Variants in SPATA16 observed in about 807,000 individuals in gnomAD.
SPATA16 encodes the protein spermatogenesis-associated protein 16.
SPATA16 carries 36 observed loss-of-function variants against 63.3 expected under a neutral mutation model. The ratio of observed to expected loss-of-function variants is 0.57; its 90% CI spans 0.44 to 0.75. SPATA16 has a LOEUF of 0.75. SPATA16 is among the 30% of genes least tolerant of loss of function. SPATA16 has a pLI of 0.00. For synonymous variants in SPATA16, 203 were observed against 216.7 expected (o/e 0.94, Z 0.56); for missense variants, 646 against 679.3 (o/e 0.95, Z 0.54).
chr3:172,970,380 A>G (rs1734022745), intron 5 of SPATA16, among the ~76,000 whole-genome samples: 2 of 152,208 alleles, frequency 1.3e-5, no homozygotes, highest in Non-Finnish European at 1.5e-5. Context: ...CTTTCAAAGA[A>G]GACTAAGAAA....
chr3:172,913,719 A>C lies in SPATA16; in HGVS notation c.1529T>G (p.Met510Arg). 6.2e-7 allele frequency: 1 copy of C among 1,613,806 alleles called. No homozygotes were observed. The highest frequency in any genetic ancestry group is 8.5e-7 in the Non-Finnish European group (1 of 1,179,814). ...GTTTCTTCTTCCTTCAAGGGTGTCC[A>C]TAGCATCTGCCATTAGTGACTGCAG... ...ELLQSLMADA[M>R]DTLEGRRNNN... The change falls in exon 10 of 11, where the codon ATG (methionine) becomes AGG (arginine). Residue 510 changes from methionine to arginine, a missense_variant. Transcript: ENST00000351008.
chr3:173,126,323 C>T (rs963251799), intron 1 of SPATA16, among the ~76,000 whole-genome samples: 11 of 152,156 alleles, frequency 7.2e-5, no homozygotes, highest in African/African-American at 2.7e-4. Context: ...AAAACAATTA[C>T]TCATTTGCTG....
intron 10 of SPATA16, among the ~76,000 whole-genome samples, chr3:172,912,904 C>T (rs1210723146): frequency 2.0e-5 from 3 of 152,150 alleles, no homozygotes; most frequent in Non-Finnish European, 2.9e-5. Context: ...ACAAAAGACA[C>T]GTGTTTCCTC....
intron 9 of SPATA16, 137 bp downstream of exon 9, chr3:172,916,180 G>C (rs1252431145): frequency 9.8e-7 from 1 of 1,024,984 alleles, no homozygotes; most frequent in Non-Finnish European, 1.5e-6. Context: ...CCATTAGAAT[G>C]CTTCAAGAAG....
chr3:172,975,875 T>C (rs550664427), intron 5 of SPATA16, among the ~76,000 whole-genome samples: 154 of 151,814 alleles, frequency 1.0e-3, no homozygotes, highest in Non-Finnish European at 1.7e-3. Context: ...ACATATAATA[T>C]AGAGAGACAA....
At chr3:173,004,728 C>G (rs987778276) in intron 4 of SPATA16, among the ~76,000 whole-genome samples, 3 of 152,134 alleles carry the variant, frequency 2.0e-5, no homozygotes, top group Non-Finnish European at 4.4e-5. Flanking sequence ...GACAATAGCT[C>G]ATTTTTAAAA....
At chr3:173,059,370 T>A (rs1418988186) in intron 2 of SPATA16, among the ~76,000 whole-genome samples, 3 of 151,402 alleles carry the variant, frequency 2.0e-5, no homozygotes, top group African/African-American at 7.3e-5. Context: ...TTTCTCTTCA[T>A]CTCCAATGTG....
At chr3:172,950,330 C>T (rs953974418) in intron 6 of SPATA16, among the ~76,000 whole-genome samples, 1 of 152,066 alleles carries the variant, frequency 6.6e-6, no homozygotes, top group Non-Finnish European at 1.5e-5. Context: ...GGAAGATCAA[C>T]GTTTTAATAT....
chr3:173,076,050 T>C (rs1736794345), intron 2 of SPATA16, among the ~76,000 whole-genome samples: 1 of 152,100 alleles, frequency 6.6e-6, no homozygotes, highest in Non-Finnish European at 1.5e-5. Flanking sequence ...TGTGCAACTA[T>C]CATGTACTCA....
intron 6 of SPATA16, among the ~76,000 whole-genome samples, chr3:172,952,653 G>A (rs1286978360): frequency 6.6e-6 from 1 of 152,114 alleles, no homozygotes; most frequent in Non-Finnish European, 1.5e-5. Context: ...AAAAAGAAAA[G>A]AGTTTGGGCC....
intron 6 of SPATA16, among the ~76,000 whole-genome samples, chr3:172,937,559 A>C (rs1733033935): frequency 6.6e-6 from 1 of 152,130 alleles, no homozygotes; most frequent in African/African-American, 2.4e-5. Flanking sequence ...TAGCACCCAA[A>C]GTCTCTCAAG....
chr3:172,994,348 G>C (rs1173243299), intron 4 of SPATA16, among the ~76,000 whole-genome samples: 1 of 152,130 alleles, frequency 6.6e-6, no homozygotes, highest in African/African-American at 2.4e-5. Context: ...CACAAAAAAA[G>C]AGGCGTTAAT....
intron 9 of SPATA16, among the ~76,000 whole-genome samples, chr3:172,915,360 G>C (rs761322118): frequency 3.9e-5 from 6 of 152,002 alleles, no homozygotes; most frequent in Non-Finnish European, 8.8e-5. Context: ...TATAAATGTT[G>C]GCAGCTCATT....
At chr3:172,988,483 C>T (rs1734504256) in intron 4 of SPATA16, among the ~76,000 whole-genome samples, 1 of 152,168 alleles carries the variant, frequency 6.6e-6, no homozygotes, top group Non-Finnish European at 1.5e-5. Flanking sequence ...GCCAATCGTG[C>T]TTGTCAGTTA....
intron 2 of SPATA16, among the ~76,000 whole-genome samples, chr3:173,068,270 A>G (rs534672414): frequency 6.6e-6 from 1 of 152,368 alleles, no homozygotes; most frequent in East Asian, 1.9e-4. Context: ...CCTATCAAAA[A>G]TAATAACTAC....
At chr3:172,902,093 G>C (rs141374122) in intron 10 of SPATA16, among the ~76,000 whole-genome samples, 4 of 152,080 alleles carry the variant, frequency 2.6e-5, no homozygotes, top group African/African-American at 9.7e-5. Context: ...GCTGGAGTGC[G>C]GTGACATGAT....
intron 1 of SPATA16, among the ~76,000 whole-genome samples, chr3:173,125,084 C>T (rs904414766): frequency 3.3e-5 from 5 of 152,150 alleles, no homozygotes; most frequent in Non-Finnish European, 4.4e-5. Context: ...ACAATACCAG[C>T]GGGTCTCCTA....
chr3:173,077,521 G>A (rs192719388), intron 2 of SPATA16, among the ~76,000 whole-genome samples: 5 of 152,308 alleles, frequency 3.3e-5, no homozygotes, highest in South Asian at 2.1e-4. Context: ...ACACCTTTGA[G>A]TTTCAGTGTA....
chr3:173,005,660 A>G (rs1269769461), intron 4 of SPATA16, among the ~76,000 whole-genome samples: 1 of 152,252 alleles, frequency 6.6e-6, no homozygotes, highest in Non-Finnish European at 1.5e-5. Context: ...AGGGGCAAAA[A>G]TAACTATCAT....
Sources: allele counts gnomAD v4.1 joint callset (sites outside exome capture counted in the v4.1 genomes callset), GRCh38; gene constraint gnomAD v4.1.1; transcripts MANE v1.5; gene names NCBI Gene and HGNC (gene_info 2026-07-23, HGNC 2026-07-21).